Variants in PUDP observed in about 807,000 individuals in gnomAD.
PUDP encodes pseudouridine 5'-phosphatase.
A neutral mutation model predicts 9.4 loss-of-function variants in PUDP; 8 were observed. The ratio of observed to expected loss-of-function variants is 0.85; its 90% CI spans 0.50 to 1.53. The LOEUF (loss-of-function observed/expected upper bound fraction) is 1.53, where lower values mean the gene tolerates loss of function less well. PUDP is among the 40% of genes most tolerant of loss of function. The probability of loss-of-function intolerance (pLI) is 0.00; values close to 1 mark genes in which losing one functional copy is unlikely to be tolerated. For missense variants in PUDP, 188 were observed against 189.7 expected (o/e 0.99, Z 0.05); for synonymous variants, 99 against 80.7 (o/e 1.23, Z -1.22).
rs754098800 is a variant in PUDP, at chrX:7,133,502, C to T, written c.61+14551G>A. 6.1e-4 allele frequency among the ~76,000 whole-genome samples: 69 copies of T among 112,216 alleles called. 1 individual carries two copies. The highest frequency in any genetic ancestry group is 4.6e-3 in the Middle Eastern group (1 of 216). The stretch of plus-strand genomic sequence containing the variant: ...CGGCAAAGGAAGCCGGAAGTTCTGG[C>T]AATTTAAGAAAAGGGTGCCCTCTGC... On this transcript the variant is annotated intron_variant, in intron 1 of 3. Coordinates refer to ENST00000381077, the MANE Select transcript of PUDP (RefSeq NM_012080.5).
intron 1 of PUDP, among the ~76,000 whole-genome samples, chrX:7,145,547 C>T (rs145994824): frequency 0.08 from 8,896 of 110,514 alleles, 308 homozygotes; most frequent in Middle Eastern, 0.14. Flanking sequence ...TTAATATTAC[C>T]TAAATCATAA....
chrX:6,733,983 G>T (rs1017574238), intron 3 of PUDP, among the ~76,000 whole-genome samples: 14 of 109,143 alleles, frequency 1.3e-4, no homozygotes, highest in Non-Finnish European at 1.3e-4. Flanking sequence ...TCACCATATT[G>T]GTCAGTCTGG....
chrX:6,804,580 G>A (rs112490975), intron 3 of PUDP, among the ~76,000 whole-genome samples: 5,962 of 111,474 alleles, frequency 0.053, 167 homozygotes, highest in African/African-American at 0.11. Flanking sequence ...TTATGGTGCC[G>A]TGTAGAGGGG....
At chrX:6,733,001 G>C (rs185751845) in intron 3 of PUDP, among the ~76,000 whole-genome samples, 26 of 111,933 alleles carry the variant, frequency 2.3e-4, no homozygotes, top group Non-Finnish European at 4.3e-4. Flanking sequence ...CAAATTGCAC[G>C]CGCAAAGGTG....
intron 3 of PUDP, among the ~76,000 whole-genome samples, chrX:6,955,660 T>A (rs5934849): frequency 9.0e-6 from 1 of 110,830 alleles, no homozygotes; most frequent in Non-Finnish European, 1.9e-5. Context: ...CTAAAACATA[T>A]TGCTTAACCA....
chrX:7,132,599 T>A (rs1251284664), intron 1 of PUDP, among the ~76,000 whole-genome samples: 1 of 112,051 alleles, frequency 8.9e-6, no homozygotes, highest in Non-Finnish European at 1.9e-5. Flanking sequence ...GCATTAAGAA[T>A]GCAGAAGCAA....
At chrX:6,941,517 C>T (rs975598265) in intron 3 of PUDP, among the ~76,000 whole-genome samples, 5 of 109,033 alleles carry the variant, frequency 4.6e-5, no homozygotes, top group African/African-American at 1.7e-4. Flanking sequence ...TTTGTAGAGA[C>T]AAGGTCTCAT....
intron 1 of PUDP, among the ~76,000 whole-genome samples, chrX:7,147,002 T>C (rs1932877734): frequency 9.0e-6 from 1 of 111,026 alleles, no homozygotes; most frequent in Non-Finnish European, 1.9e-5. Flanking sequence ...TTATGTGTCA[T>C]AGTGTTAACT....
intron 3 of PUDP, among the ~76,000 whole-genome samples, chrX:6,796,497 C>T (rs967427251): frequency 3.6e-5 from 4 of 112,075 alleles, no homozygotes; most frequent in Non-Finnish European, 7.5e-5. Flanking sequence ...GTGTTTCCTC[C>T]GTTGAATACT....
chrX:6,794,447 G>A (rs1925805461), intron 3 of PUDP, among the ~76,000 whole-genome samples: 1 of 112,181 alleles, frequency 8.9e-6, no homozygotes, highest in Admixed American at 9.5e-5. Context: ...GTTATTCTGG[G>A]TGAGTCAGTG....
rs750410298 is a variant in PUDP, at chrX:7,080,270, G to A, written c.281-2821C>T. 5.6e-3 allele frequency among the ~76,000 whole-genome samples: 632 copies of A among 112,230 alleles called. 4 individuals are homozygous for A. The highest frequency in any genetic ancestry group is 0.02 in the African/African-American group (611 of 30,920). ...TTTGAAAGATATAAAACTCCCTCAA[G>A]AAGACACAAATAACCTGAATAGCCT... On this transcript the variant is annotated intron_variant, in intron 2 of 3. Transcript: ENST00000381077.
chrX:6,730,635 G>A (rs772366316), intron 3 of PUDP, among the ~76,000 whole-genome samples: 3 of 112,028 alleles, frequency 2.7e-5, no homozygotes, highest in Non-Finnish European at 3.8e-5. Flanking sequence ...ATCGCTGCTG[G>A]GTGTTCAGAG....
chrX:7,069,219 C>T (rs1196571573), intron 3 of PUDP, among the ~76,000 whole-genome samples: 1 of 111,226 alleles, frequency 9.0e-6, no homozygotes, highest in African/African-American at 3.3e-5. Context: ...GTGGTTTCAG[C>T]AGTCAGGAGC....
At chrX:6,967,151 G>A (rs916673025) in intron 3 of PUDP, among the ~76,000 whole-genome samples, 7 of 111,711 alleles carry the variant, frequency 6.3e-5, no homozygotes, top group African/African-American at 1.6e-4. Context: ...CCCAGAGAGC[G>A]GCTGCCACAG....
chrX:7,034,444 A>G (rs1206403051), intron 1 of PUDP, among the ~76,000 whole-genome samples: 1 of 112,006 alleles, frequency 8.9e-6, no homozygotes, highest in African/African-American at 3.2e-5. Flanking sequence ...AACTCTTTCT[A>G]GGAAAGGTAT....
chrX:6,894,278 A>C (rs1453219841), intron 3 of PUDP, among the ~76,000 whole-genome samples: 1 of 111,748 alleles, frequency 8.9e-6, no homozygotes, highest in East Asian at 2.8e-4. Context: ...GGAAAAAAAA[A>C]TTTAGAGCCT....
chrX:6,955,414 C>T (rs1310190458), intron 3 of PUDP, among the ~76,000 whole-genome samples: 1 of 110,232 alleles, frequency 9.1e-6, no homozygotes, highest in Admixed American at 9.8e-5. Context: ...AGAGATGGGT[C>T]TTGCTATGTT....
chrX:6,989,924 A>T (rs780867159), intron 1 of PUDP: 2 of 111,636 alleles, frequency 1.8e-5, no homozygotes, highest in Non-Finnish European at 3.8e-5. Context: ...GTTCGGAGCT[A>T]GCAGAAAAGC....
chrX:6,980,191 TTCTTC>T (rs1260220260), intron 1 of PUDP, among the ~76,000 whole-genome samples: 1 of 87,095 alleles, frequency 1.1e-5, no homozygotes, highest in Non-Finnish European at 2.2e-5. Context: ...TCTTCCTTCC[TTCTTC>T]TCTTCTCTTC....
Sources: allele counts gnomAD v4.1 joint callset (sites outside exome capture counted in the v4.1 genomes callset), GRCh38; gene constraint gnomAD v4.1.1; transcripts MANE v1.5; gene names NCBI Gene and HGNC (gene_info 2026-07-23, HGNC 2026-07-21).